FAM193B: variants seen among roughly 807,000 people sequenced by gnomAD.
FAM193B encodes protein FAM193B.
FAM193B carries 27 observed loss-of-function variants against 70.7 expected under a neutral mutation model. That is an observed-to-expected ratio of 0.38 (90% CI 0.28 to 0.53). The LOEUF (loss-of-function observed/expected upper bound fraction) is 0.53. Ranked by LOEUF, FAM193B falls within the 20% of genes least tolerant of loss-of-function variation. The pLI is 0.81. For synonymous variants in FAM193B, 448 were observed against 436.0 expected (o/e 1.03, Z -0.34); for missense variants, 1,022 against 1,072.5 (o/e 0.95, Z 0.66).
At position 177,525,047 on chromosome 5, in the gene FAM193B, G is replaced by T. The variant is rs908941663; in HGVS notation, c.1434C>A (p.Ile478=). 2.5e-6 allele frequency: 4 copies of T among 1,589,172 alleles called. No homozygotes were observed. Among genetic ancestry groups the T allele is most frequent in the African/African-American group, 1.4e-5 (1 of 73,724 alleles). The change falls in exon 6 of 9, where the codon ATC becomes ATA. Residue 478 remains isoleucine, a synonymous_variant. Transcript: ENST00000514747. ...GGATGGAGTCTTTGACAGTGTTTTT[G>T]ATCTCCTGCAGACGGCTGCTCAGGA... ...NSFLSSRLQE[I]KNTVKDSIRA... is the part of the protein sequence containing the mutation.
At position 177,536,434 on chromosome 5, in the gene FAM193B, T is replaced by C; in HGVS notation, c.1000A>G (p.Ser334Gly). 6.3e-7 allele frequency: 1 copy of C among 1,597,112 alleles called. No individual in the cohort carries two copies. The highest frequency in any genetic ancestry group is 1.4e-5 in the African/African-American group (1 of 74,016). ...PPFSGCSHPC[S>G]GHCGGHCSGP... ...CTGCAGTGCCCACCACAGTGCCCGCTGCAGGGGTGGCTGCACCCCGAGAAT... is the reference window on the plus strand; with the variant it reads ...CTGCAGTGCCCACCACAGTGCCCGCCGCAGGGGTGGCTGCACCCCGAGAAT... Residue 334 changes from serine (S) to glycine (G), a missense_variant, in exon 4 of 9, where the codon AGC (serine) becomes GGC (glycine). Physicochemically the swap from Ser to Gly is moderately conservative, Grantham distance 56. Transcript: ENST00000514747.
intron 5 of FAM193B, among the ~76,000 whole-genome samples, chr5:177,528,216 A>T (rs1762914189): frequency 6.6e-6 from 1 of 152,226 alleles, no homozygotes; most frequent in Non-Finnish European, 1.5e-5. Context: ...TCTCTAGTGG[A>T]CTAACACGAT....
rs369385903 is a variant in FAM193B, at chr5:177,532,429, G to A, written c.1275+14C>T. 6.2e-6 allele frequency: 10 copies of A among 1,605,298 alleles called. No homozygotes were observed. The African/African-American group carries it at 1.1e-4, about 17-fold the overall frequency. ...TGGCCCCCAGCCCTCTCTAGCCTGGGCAGGCTCACTCACCGCATTGTGGCC... is the reference window on the plus strand; with the variant it reads ...TGGCCCCCAGCCCTCTCTAGCCTGGACAGGCTCACTCACCGCATTGTGGCC... On this transcript the variant is annotated intron_variant, in intron 5 of 8. Coordinates refer to ENST00000514747, the MANE Select transcript of FAM193B (RefSeq NM_001190946.3). This position sits in a 1 kb window ranked among gnomAD's most constrained non-coding sequence, Gnocchi z 4.9.
intron 5 of FAM193B, chr5:177,531,937 G>A (rs2127462954): frequency 1.3e-5 from 16 of 1,257,666 alleles, no homozygotes; most frequent in Non-Finnish European, 1.5e-5. Context: ...CTAACCAGCG[G>A]CCCTCTCCTC....
chr5:177,547,192 G>A (rs1765533950), intron 1 of FAM193B: 1 of 152,094 alleles, frequency 6.6e-6, no homozygotes, highest in Non-Finnish European at 1.5e-5. Context: ...GCACAAAGTA[G>A]GTGCTCAATA....
chr5:177,537,788 T>G, intron 3 of FAM193B, 85 bp downstream of exon 3: 2 of 1,473,646 alleles, frequency 1.4e-6, no homozygotes, highest in Non-Finnish European at 9.0e-7. Flanking sequence ...TAACCAGTCT[T>G]ATGATTTGTT....
At chr5:177,522,191 G>T in intron 7 of FAM193B, 120 bp from the exon 8 acceptor site, 1 of 751,636 alleles carries the variant, frequency 1.3e-6, no homozygotes, top group Non-Finnish European at 2.2e-6. Context: ...AACCTCTTTG[G>T]CTCTCAGGTG....
rs753989139 is a variant in FAM193B at position 177,524,812 on chromosome 5, A to G, written c.1669T>C (p.Trp557Arg). 2 of 1,510,850 alleles carry G rather than the reference A, an allele frequency of 1.3e-6. No homozygotes were observed. Among genetic ancestry groups the G allele is most frequent in the African/African-American group, 1.4e-5 (1 of 71,444 alleles). The allele number at this position is 1,510,850 out of a possible 1,614,324, so 93.6% of individuals were successfully genotyped here. ...LQAPGEPAPP[W>R]AEMRGPHPPW... ...GGGTGGGGGCCTCTCATTTCTGCCC[A>G]TGGTGGGGCTGGCTCGCCTGGAGCT... Residue 557 changes from tryptophan (W) to arginine (R), a missense_variant, in exon 6 of 9, where the codon TGG becomes CGG. By Grantham distance (101) the Trp-to-Arg change is moderately radical (BLOSUM62 -3). Transcript: ENST00000514747.
At chr5:177,527,871 GA>G (rs1259143979) in intron 5 of FAM193B, among the ~76,000 whole-genome samples, 1 of 152,222 alleles carries the variant, frequency 6.6e-6, no homozygotes, top group African/African-American at 2.4e-5. Flanking sequence ...CCTGTTCGGA[GA>G]AAGACAACAA....
At position 177,539,162 on chromosome 5, in the gene FAM193B, G is replaced by T; in HGVS notation, c.211-15C>A. ...GCGGGGGGGACCTGTCCAACAGACA[G>T]AAACAGGGTTTCCCAGGAGGGGAAA... is the stretch of plus-strand genomic sequence containing the variant. On this transcript the variant is annotated splice_polypyrimidine_tract_variant and intron_variant, in intron 1 of 8. Transcript: ENST00000514747. The T allele has an allele frequency of 6.5e-7, 1 of 1,537,234 alleles. No homozygotes were observed. Among genetic ancestry groups the T allele is most frequent in the South Asian group, 1.2e-5 (1 of 85,084 alleles).
Position 177,554,494 on chromosome 5 carries a change from GCCGCCGCCGC to G in FAM193B, c.-46_-37del, listed in dbSNP as rs769005199. 0.015 allele frequency: 10,314 copies of G among 703,384 alleles called. 522 individuals carry two copies. Among genetic ancestry groups the G allele is most frequent in the Non-Finnish European group, 0.015 (9,065 of 600,162 alleles). The allele number at this position is 703,384 out of a possible 1,614,324, so 43.6% of individuals were successfully genotyped here. A position where few individuals can be genotyped will look rare whatever the true frequency, so the allele number is the denominator to read the frequency against. ...GCGCCGCTCCCTCGCTCCACACGCC[GCCGCCGCCGC>G]CGCCGCCGCCGCCGCCGCCGCCGCC... On this transcript the variant is annotated 5_prime_UTR_variant, in exon 1 of 9. Coordinates refer to ENST00000514747, the MANE Select transcript of FAM193B (RefSeq NM_001190946.3).
At position 177,524,642 on chromosome 5, in the gene FAM193B, G is replaced by C; in HGVS notation, c.1839C>G (p.Ser613Arg). The change falls in exon 6 of 9, where the codon AGC (serine) becomes AGG (arginine). Residue 613 changes from serine (S) to arginine (R), a missense_variant. Transcript: ENST00000514747. ...GCTTGCAACTGGGAACTTCCTTTGA[G>C]CTTGGCTCCTCGGAGCTGGGGTAGC... ...KPGYPSSEEP[S>R]SKEVPSCKQE... 3.7e-6 allele frequency: 6 copies of C among 1,612,876 alleles called. No individual in the cohort carries two copies. Among genetic ancestry groups the C allele is most frequent in the Non-Finnish European group, 5.1e-6 (6 of 1,179,604 alleles).
intron 1 of FAM193B, among the ~76,000 whole-genome samples, chr5:177,549,807 A>G (rs768464670): frequency 1.8e-4 from 27 of 152,250 alleles, no homozygotes; most frequent in African/African-American, 5.3e-4. Context: ...GCCTAAATGA[A>G]TAACTGCCAG....
intron 5 of FAM193B, among the ~76,000 whole-genome samples, chr5:177,527,183 G>C (rs995751178): frequency 6.6e-6 from 1 of 152,140 alleles, no homozygotes; most frequent in Non-Finnish European, 1.5e-5. Context: ...AAATGGGAAA[G>C]CTCAGTATCT....
rs374691116 is a variant in FAM193B at position 177,532,865 on chromosome 5, C to G, written c.1077-224G>C. ...ATGTGGCTCTTCTGGAAAGGTTTCC[C>G]CACGCCTCCCCTGCCTGCACCCACC... On this transcript the variant is annotated intron_variant, in intron 4 of 8. Coordinates refer to ENST00000514747, the MANE Select transcript of FAM193B (RefSeq NM_001190946.3). This position sits in a 1 kb window ranked among gnomAD's most constrained non-coding sequence, Gnocchi z 4.9. 3.9e-5 allele frequency among the ~76,000 whole-genome samples: 6 copies of G among 152,336 alleles called. No homozygotes were observed. Among genetic ancestry groups the G allele is most frequent in the African/African-American group, 1.4e-4 (6 of 41,560 alleles).
Position 177,525,019 on chromosome 5 carries a change from C to T in FAM193B, c.1462G>A (p.Ala488Thr), listed in dbSNP as rs200859175. 6.6e-5 allele frequency: 102 copies of T among 1,555,510 alleles called. No homozygotes were observed. In the African/African-American group the frequency reaches 1.3e-3, roughly 20 times the overall value. The change falls in exon 6 of 9, where the codon GCC becomes ACC. Residue 488 changes from alanine to threonine, a missense_variant. Coordinates refer to ENST00000514747, the MANE Select transcript of FAM193B (RefSeq NM_001190946.3). ...CTGAGCTCACACACACTGAAGCTGG[C>T]ACGGATGGAGTCTTTGACAGTGTTT... Reference protein sequence around the residue: ...IKNTVKDSIRASFSVCELSMD... With the variant: ...IKNTVKDSIRTSFSVCELSMD...
chr5:177,553,556 C>T (rs1179518870), intron 1 of FAM193B: 21 of 1,138,350 alleles, frequency 1.8e-5, no homozygotes, highest in Non-Finnish European at 2.3e-5. Context: ...AAGCTGGAAG[C>T]TTTGGGGAAT....
At chr5:177,545,676 A>T (rs1301367635) in intron 1 of FAM193B, among the ~76,000 whole-genome samples, 2 of 151,668 alleles carry the variant, frequency 1.3e-5, no homozygotes, top group African/African-American at 2.4e-5. Flanking sequence ...AAAAAAAAAA[A>T]AGATAGCTCT....
chr5:177,523,409 A>G (rs1173250555), intron 7 of FAM193B: 1 of 220,228 alleles, frequency 4.5e-6, no homozygotes, highest in African/African-American at 2.3e-5. Context: ...GGGTGACTGT[A>G]TGCCGTGTTT....
Sources: allele counts gnomAD v4.1 joint callset (sites outside exome capture counted in the v4.1 genomes callset), GRCh38; gene constraint gnomAD v4.1.1; non-coding constraint Gnocchi (gnomAD v3.1); transcripts MANE v1.5; gene names NCBI Gene and HGNC (gene_info 2026-07-23, HGNC 2026-07-21).